NUP155: variants seen among roughly 807,000 people sequenced by gnomAD.
NUP155 encodes the protein nucleoporin 155, also known as nuclear pore complex protein Nup155.
NUP155 carries 71 observed loss-of-function variants against 180.4 expected under a neutral mutation model. The ratio of observed to expected loss-of-function variants is 0.39; its 90% confidence interval spans 0.33 to 0.48. The LOEUF is 0.48. NUP155 is among the 20% of genes least tolerant of loss of function. The probability of loss-of-function intolerance (pLI) is 0.91; values close to 1 mark genes in which losing one functional copy is unlikely to be tolerated. For missense variants in NUP155, 1,553 were observed against 1,648.9 expected (o/e 0.94, Z 1.01); for synonymous variants, 582 against 559.5 (o/e 1.04, Z -0.57).
chr5:37,296,151 C>T (rs533998179), intron 32 of NUP155, among the ~76,000 whole-genome samples: 5 of 151,954 alleles, frequency 3.3e-5, no homozygotes, highest in Non-Finnish European at 7.4e-5. Context: ...CCCCTCTGCC[C>T]GGCCACCACC....
At chr5:37,304,993 A>T in intron 26 of NUP155, 64 bp downstream of exon 26, 1 of 1,573,594 alleles carries the variant, frequency 6.4e-7, no homozygotes, top group Non-Finnish European at 8.7e-7. Context: ...TGACTGTGCT[A>T]CCATTACCAT....
Position 37,363,927 on chromosome 5 carries a change from G to T in NUP155, c.353C>A (p.Thr118Lys). Residue 118 changes from threonine (T) to lysine (K), a missense_variant, in exon 3 of 35, where the codon ACA becomes AAA. Physicochemically the swap from Thr to Lys is moderately conservative, Grantham distance 78. Coordinates refer to ENST00000231498, the MANE Select transcript of NUP155 (RefSeq NM_153485.3). ...VFPPISRAWL[T>K]IDSDIFMWNY... is the part of the protein sequence containing the mutation. ...CCACATGAATATATCACTGTCAATT[G>T]TGAGCCAAGCTCTGCTGATAGGAGG... 1 of 1,613,814 alleles carries T rather than the reference G, an allele frequency of 6.2e-7. No individual in the cohort carries two copies. The highest frequency in any genetic ancestry group is 2.2e-5 in the East Asian group (1 of 44,870).
At chr5:37,342,972 C>T (rs570849339) in intron 9 of NUP155, among the ~76,000 whole-genome samples, 7 of 152,028 alleles carry the variant, frequency 4.6e-5, no homozygotes, top group Admixed American at 1.3e-4. Context: ...CCTGACCTCG[C>T]GTGAGCGTGA....
At position 37,350,284 on chromosome 5, in the gene NUP155, A is replaced by G; in HGVS notation, c.724-19T>C. 6.5e-7 allele frequency: 1 copy of G among 1,536,890 alleles called. No homozygotes were observed. The highest frequency in any genetic ancestry group is 9.0e-7 in the Non-Finnish European group (1 of 1,109,768). On this transcript the variant is annotated intron_variant, in intron 6 of 34. Transcript: ENST00000231498. ...CTTCAGCCTTAAAGAAAAAAGTAGA[A>G]AGACGACTTATAAAAGTATGTAACT... is the stretch of plus-strand genomic sequence containing the variant.
chr5:37,358,460 A>AAAAAG (rs1462745908), intron 3 of NUP155, among the ~76,000 whole-genome samples: 1 of 152,156 alleles, frequency 6.6e-6, no homozygotes, highest in Non-Finnish European at 1.5e-5. Flanking sequence ...GCCTGTCTCA[A>AAAAAG]AAAAGAAAAG....
Position 37,291,799 on chromosome 5 carries a change from A to T in NUP155, c.*101T>A. The T allele has an allele frequency of 9.4e-7, 1 of 1,066,852 alleles. No homozygotes were observed. The highest frequency in any genetic ancestry group is 1.4e-6 in the Non-Finnish European group (1 of 697,564). 66.1% of individuals were successfully genotyped at this position (1,066,852 alleles called of 1,614,324 possible). A position where few individuals can be genotyped will look rare whatever the true frequency, so the allele number is the denominator to read the frequency against. ...CACTTATTAAAAACATATTTCTATT[A>T]AGATTGTTCTTACATTCTTAGATTT... On this transcript the variant is annotated 3_prime_UTR_variant, in exon 35 of 35. Coordinates refer to ENST00000231498, the MANE Select transcript of NUP155 (RefSeq NM_153485.3).
chr5:37,370,944 C>G lies in NUP155; in HGVS notation c.34G>C (p.Ala12Pro). Residue 12 changes from alanine (A) to proline (P), a missense_variant, in exon 1 of 35, where the codon GCC (alanine) becomes CCC (proline). Coordinates refer to ENST00000231498, the MANE Select transcript of NUP155 (RefSeq NM_153485.3). Reference protein sequence around the residue: ...PSSLLGAAMPASTSAAALQEA... With the variant: ...PSSLLGAAMPPSTSAAALQEA... ...TGCAGGGCTGCGGCAGATGTAGAGGCCGGCATCGCCGCGCCCAACAAAGAA... is the reference window on the plus strand; with the variant it reads ...TGCAGGGCTGCGGCAGATGTAGAGGGCGGCATCGCCGCGCCCAACAAAGAA... 6.2e-7 allele frequency: 1 copy of G among 1,614,078 alleles called. No individual in the cohort carries two copies.
At chr5:37,325,124 T>G (rs184496039) in intron 19 of NUP155, among the ~76,000 whole-genome samples, 166 of 152,160 alleles carry the variant, frequency 1.1e-3, no homozygotes, top group African/African-American at 3.9e-3. Flanking sequence ...GCACACCAGC[T>G]TGGGCAACAA....
chr5:37,304,614 T>C (rs1331986251), intron 27 of NUP155, 125 bp downstream of exon 27: 5 of 739,464 alleles, frequency 6.8e-6, no homozygotes, highest in Middle Eastern at 4.0e-4. Flanking sequence ...TACTCAGCTT[T>C]ATACTAACAT....
At chr5:37,297,669 C>T (rs1742658899) in intron 32 of NUP155, among the ~76,000 whole-genome samples, 1 of 152,094 alleles carries the variant, frequency 6.6e-6, no homozygotes, top group South Asian at 2.1e-4. Context: ...TGTGAGCCAC[C>T]ATGCCCAGCC....
chr5:37,350,538 C>T (rs1746386848), intron 6 of NUP155, among the ~76,000 whole-genome samples: 1 of 152,106 alleles, frequency 6.6e-6, no homozygotes, highest in Admixed American at 6.6e-5. Flanking sequence ...CACAGTGGCT[C>T]GCACCTGTAA....
In NUP155 at chr5:37,302,855, C is replaced by A; in HGVS notation, c.3371G>T (p.Ser1124Ile). The A allele has an allele frequency of 6.2e-7, 1 of 1,613,946 alleles. No individual in the cohort carries two copies. The change falls in exon 29 of 35, where the codon AGT becomes ATT. Residue 1124 changes from serine to isoleucine, a missense_variant. Transcript: ENST00000231498. ...TGAAATGGCAGTGGAACTTTTGGCA[C>A]TAAGAATGGCTCGAGCAATGTACTC... ...RLEYIARAILSAKSSTAISSI... is the reference protein window; with the variant it reads ...RLEYIARAILIAKSSTAISSI...
At chr5:37,342,415 T>C (rs750832440) in intron 10 of NUP155, 134 bp downstream of exon 10, 10 of 636,550 alleles carry the variant, frequency 1.6e-5, no homozygotes, top group African/African-American at 3.7e-5. Flanking sequence ...TCAAAATCCT[T>C]TATTTTACAA....
chr5:37,299,287 T>A (rs1742741438), intron 31 of NUP155, among the ~76,000 whole-genome samples, 161 bp downstream of exon 31: 1 of 152,150 alleles, frequency 6.6e-6, no homozygotes, highest in Non-Finnish European at 1.5e-5. Context: ...TGTATGATCA[T>A]CCTCCACCAT....
intron 31 of NUP155, 142 bp downstream of exon 31, chr5:37,299,306 G>A: frequency 2.2e-6 from 2 of 900,052 alleles, no homozygotes; most frequent in South Asian, 2.8e-5. Flanking sequence ...ATACCCAGGT[G>A]ACTTCCACTT....
At chr5:37,314,111 A>G in intron 22 of NUP155, 87 bp downstream of exon 22, 2 of 930,810 alleles carry the variant, frequency 2.1e-6, no homozygotes, top group South Asian at 3.1e-5. Flanking sequence ...TGCTTCCCAA[A>G]ATAATCCCCT....
Position 37,305,067 on chromosome 5 carries a change from GCTT to G in NUP155, c.3044_3046del (p.Glu1015del). 1 of 1,613,452 alleles carries G rather than the reference GCTT, an allele frequency of 6.2e-7. No homozygotes were observed. The highest frequency in any genetic ancestry group is 8.5e-7 in the Non-Finnish European group (1 of 1,179,996). On this transcript the variant is annotated inframe_deletion, in exon 26 of 35. Coordinates refer to ENST00000231498, the MANE Select transcript of NUP155 (RefSeq NM_153485.3). Reference sequence around the variant, plus strand: ...TACTATGTCCCTTACATGATGTCCTGCTTCTTCATTACTCAGCATATTTGGATC... The same window carrying G: ...TACTATGTCCCTTACATGATGTCCTGCTTCATTACTCAGCATATTTGGATC...
intron 20 of NUP155, among the ~76,000 whole-genome samples, chr5:37,320,450 C>T (rs1744175028): frequency 1.3e-5 from 2 of 152,246 alleles, no homozygotes; most frequent in Non-Finnish European, 1.5e-5. Flanking sequence ...CGCACTCCAG[C>T]CTAGGTAATA....
intron 1 of NUP155, among the ~76,000 whole-genome samples, chr5:37,366,020 T>C (rs1161472775): frequency 6.6e-6 from 1 of 151,894 alleles, no homozygotes; most frequent in Non-Finnish European, 1.5e-5. Flanking sequence ...TTTAGATTTA[T>C]CCCCAAGACC....
Sources: allele counts gnomAD v4.1 joint callset (sites outside exome capture counted in the v4.1 genomes callset), GRCh38; gene constraint gnomAD v4.1.1; transcripts MANE v1.5; gene names NCBI Gene and HGNC (gene_info 2026-07-23, HGNC 2026-07-21).